The following CCDC171 variants were observed in gnomAD, a reference collection of about 807,000 sequenced individuals.
CCDC171 encodes the protein coiled-coil domain containing 171.
Under a neutral mutation model 168.2 loss-of-function variants are expected in CCDC171, and 177 were observed. The ratio of observed to expected loss-of-function variants is 1.05; its 90% CI spans 0.93 to 1.19. The LOEUF is 1.19. CCDC171 is among the 50% of genes most tolerant of loss of function. The pLI is 0.00. For missense variants in CCDC171, 1,991 were observed against 1,539.0 expected, an observed-to-expected ratio of 1.29 and a Z score of -4.91; for synonymous variants, 687 against 540.8, an observed-to-expected ratio of 1.27 and a Z score of -3.75.
At chr9:15,880,626 G>GTTT (rs57349228) in intron 24 of CCDC171, among the ~76,000 whole-genome samples, 2 of 116,120 alleles carry the variant, frequency 1.7e-5, no homozygotes, top group African/African-American at 3.1e-5. Flanking sequence ...CCGCCTAATT[G>GTTT]TTTTTTTTTT....
intron 9 of CCDC171, among the ~76,000 whole-genome samples, chr9:15,672,793 C>T (rs1406998461): frequency 6.6e-6 from 1 of 152,122 alleles, no homozygotes; most frequent in Non-Finnish European, 1.5e-5. Flanking sequence ...GTGATGCCTC[C>T]AGCTTGCTTT....
At chr9:16,058,829 G>T (rs888365891) in intron 1 of CCDC171, among the ~76,000 whole-genome samples, 8 of 152,212 alleles carry the variant, frequency 5.3e-5, no homozygotes, top group African/African-American at 9.6e-5. Flanking sequence ...CCTCAGCAAA[G>T]TTCTAAGGCA....
intron 25 of CCDC171, among the ~76,000 whole-genome samples, chr9:15,950,419 G>GA (rs1306534513): frequency 6.6e-6 from 1 of 152,122 alleles, no homozygotes; most frequent in Non-Finnish European, 1.5e-5. Flanking sequence ...ACTAACAGCA[G>GA]ATGTCTTGGC....
At chr9:15,671,083 C>A (rs868769727) in intron 9 of CCDC171, among the ~76,000 whole-genome samples, 1 of 152,114 alleles carries the variant, frequency 6.6e-6, no homozygotes, top group South Asian at 2.1e-4. Flanking sequence ...CCAAGTGAGA[C>A]GCTGTCTAAA....
chr9:15,617,754 T>G (rs563502659), intron 6 of CCDC171, among the ~76,000 whole-genome samples: 1 of 152,286 alleles, frequency 6.6e-6, no homozygotes, highest in South Asian at 2.1e-4. Flanking sequence ...GCCCCTCTTC[T>G]GATGGTCTGC....
At chr9:15,727,008 T>G (rs376192262) in intron 14 of CCDC171, among the ~76,000 whole-genome samples, 85 of 152,300 alleles carry the variant, frequency 5.6e-4, no homozygotes, top group African/African-American at 1.9e-3. Flanking sequence ...CTGCTTTATA[T>G]GAATTCTGCA....
In CCDC171 at chr9:15,891,248, C is replaced by T. The variant is rs146660356; in HGVS notation, c.3600+16585C>T. Among the ~76,000 whole-genome samples the T allele has an allele frequency of 2.6e-5, 4 of 152,228 alleles. No homozygotes were observed. In the East Asian group the frequency reaches 7.7e-4, roughly 29 times the overall value. ...ATGTGTGGATGTATTTACTCTGAGT[C>T]AGTAGCTTAAATGCACTTTCTGAGG... On this transcript the variant is annotated intron_variant, in intron 24 of 25. Transcript: ENST00000380701.
intron 21 of CCDC171, among the ~76,000 whole-genome samples, chr9:15,825,458 T>TA (rs1468033764): frequency 1.3e-5 from 2 of 152,058 alleles, no homozygotes; most frequent in Non-Finnish European, 2.9e-5. Flanking sequence ...TTCCTGGAAA[T>TA]AAAAAATAAA....
chr9:15,709,323 G>A (rs1013193233), intron 11 of CCDC171, among the ~76,000 whole-genome samples: 17 of 152,110 alleles, frequency 1.1e-4, no homozygotes, highest in Admixed American at 1.3e-4. Flanking sequence ...TGACAGAATT[G>A]ACATTAGAAA....
At chr9:16,023,071 G>A (rs1833205953) in intron 6 of CCDC171, among the ~76,000 whole-genome samples, 1 of 152,050 alleles carries the variant, frequency 6.6e-6, no homozygotes, top group African/African-American at 2.4e-5. Flanking sequence ...GGGGTTCTCA[G>A]GTCAAAGCAT....
chr9:15,646,933 A>T (rs2047087318), intron 7 of CCDC171, among the ~76,000 whole-genome samples: 1 of 152,230 alleles, frequency 6.6e-6, no homozygotes, highest in African/African-American at 2.4e-5. Context: ...TCCACCCCAA[A>T]TCAACAGAAT....
intron 23 of CCDC171, among the ~76,000 whole-genome samples, chr9:15,863,682 T>C (rs1305895307): frequency 6.6e-6 from 1 of 152,100 alleles, no homozygotes; most frequent in African/African-American, 2.4e-5. Context: ...TTTAAAATAA[T>C]TGATTTAAAG....
chr9:15,653,342 A>G (rs1435638260), intron 7 of CCDC171, among the ~76,000 whole-genome samples: 1 of 151,894 alleles, frequency 6.6e-6, no homozygotes, highest in African/African-American at 2.4e-5. Flanking sequence ...GTGCTTCACC[A>G]TGTTGCCCAG....
chr9:15,843,523 T>C lies in CCDC171; in HGVS notation c.3268-3179T>C, dbSNP rs2060771405. Among the ~76,000 whole-genome samples the C allele has an allele frequency of 2.0e-5, 3 of 152,046 alleles. 1 individual carries two copies. Among genetic ancestry groups the C allele is most frequent in the Admixed American group, 6.6e-5 (1 of 15,232 alleles). On this transcript the variant is annotated intron_variant, in intron 21 of 25. Transcript: ENST00000380701. ...GGGCTGTATTGTGGATTAAGTGAAATATCTCAAGGCTGTGCTGTTCTGATA... is the reference window on the plus strand; with the variant it reads ...GGGCTGTATTGTGGATTAAGTGAAACATCTCAAGGCTGTGCTGTTCTGATA...
chr9:15,963,125 G>A (rs1248356343), intron 25 of CCDC171, among the ~76,000 whole-genome samples: 1 of 152,002 alleles, frequency 6.6e-6, no homozygotes, highest in African/African-American at 2.4e-5. Flanking sequence ...GGTGGGAATT[G>A]AACAGTGAGA....
intron 14 of CCDC171, among the ~76,000 whole-genome samples, chr9:15,725,708 C>T (rs1226550167): frequency 6.6e-6 from 1 of 152,158 alleles, no homozygotes; most frequent in Non-Finnish European, 1.5e-5. Context: ...CCTTGGCCTC[C>T]TAAAGTACTG....
In CCDC171 at chr9:15,867,170, A is replaced by G. The variant is rs1247297974; in HGVS notation, c.3469-7362A>G. Among the ~76,000 whole-genome samples, 6 of 152,164 alleles carry G rather than the reference A, an allele frequency of 3.9e-5. 1 individual carries two copies. In the South Asian group the frequency reaches 6.2e-4, roughly 16 times the overall value. On this transcript the variant is annotated intron_variant, in intron 23 of 25. Coordinates refer to ENST00000380701, the MANE Select transcript of CCDC171 (RefSeq NM_173550.4). ...ATGAGATAGAAAGATGATTACTTCT[A>G]TTCTTAGAGTGGATTGTGGAATGGA...
intron 3 of CCDC171, among the ~76,000 whole-genome samples, chr9:15,987,352 A>T (rs6474987): frequency 6.6e-6 from 1 of 151,704 alleles, no homozygotes; most frequent in African/African-American, 2.4e-5. Flanking sequence ...AAAATCATCC[A>T]TATTCCAAAC....
chr9:15,744,268 C>A lies in CCDC171; in HGVS notation c.2050-5C>A. 6.4e-7 allele frequency: 1 copy of A among 1,567,946 alleles called. No individual in the cohort carries two copies. Among genetic ancestry groups the A allele is most frequent in the Non-Finnish European group, 8.6e-7 (1 of 1,158,408 alleles). ...ATCAAATATATTTTTTGACTTCTTC[C>A]ATAGAAATTTCAAGAAATTGCTGAA... On this transcript the variant is annotated splice_polypyrimidine_tract_variant and splice_region_variant and intron_variant, in intron 16 of 25. Coordinates refer to ENST00000380701, the MANE Select transcript of CCDC171 (RefSeq NM_173550.4).
Sources: gnomAD v4.1 joint callset for allele counts (sites outside exome capture counted in the v4.1 genomes callset) on GRCh38, gnomAD v4.1.1 for gene constraint, MANE v1.5 for transcripts, NCBI Gene and HGNC (gene_info 2026-07-23, HGNC 2026-07-21) for gene names.